AUTS2: variants seen among roughly 807,000 people sequenced by gnomAD.
The protein encoded by AUTS2 is activator of transcription and developmental regulator AUTS2.
AUTS2 carries 17 observed loss-of-function variants against 112.4 expected under a neutral mutation model. That is an observed-to-expected ratio of 0.15 (90% CI 0.10 to 0.23). AUTS2 has a LOEUF of 0.23. AUTS2 is among the 10% of genes least tolerant of loss of function. The pLI is 1.00. For synonymous variants in AUTS2, 751 were observed against 702.7 expected (o/e 1.07, Z -1.09); for missense variants, 1,510 against 1,701.6 (o/e 0.89, Z 1.98).
At chr7:70,204,127 G>C (rs147379545) in intron 4 of AUTS2, among the ~76,000 whole-genome samples, 1 of 152,000 alleles carries the variant, frequency 6.6e-6, no homozygotes, top group South Asian at 2.1e-4. Context: ...ATGTAAGATA[G>C]TGGTACCCAG....
intron 5 of AUTS2, among the ~76,000 whole-genome samples, chr7:70,443,029 C>T (rs1173173493): frequency 6.6e-6 from 1 of 152,104 alleles, no homozygotes; most frequent in Non-Finnish European, 1.5e-5. Flanking sequence ...CATATGATAA[C>T]ATTTTCAGGC....
intron 5 of AUTS2, among the ~76,000 whole-genome samples, chr7:70,484,043 A>T (rs1797890726): frequency 6.6e-6 from 1 of 152,210 alleles, no homozygotes; most frequent in Admixed American, 6.5e-5. Flanking sequence ...TGCTTGAATT[A>T]TTATGGAAGT....
chr7:69,601,804 T>C (rs985723339), intron 1 of AUTS2, among the ~76,000 whole-genome samples: 1 of 152,114 alleles, frequency 6.6e-6, no homozygotes, highest in Admixed American at 6.5e-5. Flanking sequence ...TCTCTTGTTT[T>C]AAAATAGGAG....
chr7:70,475,311 C>A (rs1054847888), intron 5 of AUTS2, among the ~76,000 whole-genome samples: 2 of 152,210 alleles, frequency 1.3e-5, no homozygotes, highest in African/African-American at 4.8e-5. Context: ...CCTTCATGTT[C>A]AACTCAAGTC....
rs1000641183 is a variant in AUTS2, at chr7:70,764,965, T to C, written c.1428T>C (p.Ser476=). ...LPPPPPLTSG[S]LQVAGHPAGS... The stretch of plus-strand genomic sequence containing the variant: ...CTCCACCACCACTGACATCAGGAAG[T>C]CTGCAGGTGGCCGGACACCCGGCCG... The change falls in exon 8 of 19, where the codon AGT becomes AGC. Residue 476 remains serine (S), a synonymous_variant. Coordinates refer to ENST00000342771, the MANE Select transcript of AUTS2 (RefSeq NM_015570.4). The C allele has an allele frequency of 6.2e-7, 1 of 1,612,162 alleles. No homozygotes were observed. Among genetic ancestry groups the C allele is most frequent in the African/African-American group, 1.3e-5 (1 of 74,166 alleles).
At chr7:70,662,100 C>T (rs753804518) in intron 5 of AUTS2, among the ~76,000 whole-genome samples, 1 of 152,160 alleles carries the variant, frequency 6.6e-6, no homozygotes, top group African/African-American at 2.4e-5. Flanking sequence ...GTCGGCCCTT[C>T]CCACAGGCCC....
At chr7:69,822,391 G>A (rs1245084929) in intron 1 of AUTS2, among the ~76,000 whole-genome samples, 1 of 152,184 alleles carries the variant, frequency 6.6e-6, no homozygotes, top group Non-Finnish European at 1.5e-5. Flanking sequence ...GTAGGTCAAG[G>A]TGGGAGGACT....
At chr7:70,501,635 C>T (rs1008462481) in intron 5 of AUTS2, among the ~76,000 whole-genome samples, 3 of 152,000 alleles carry the variant, frequency 2.0e-5, no homozygotes, top group Non-Finnish European at 2.9e-5. Flanking sequence ...TGTTGCCTCC[C>T]GGAACCCTCA....
chr7:69,604,019 C>T (rs954894060), intron 1 of AUTS2, among the ~76,000 whole-genome samples: 6 of 152,136 alleles, frequency 3.9e-5, no homozygotes, highest in African/African-American at 1.4e-4. Flanking sequence ...GGGCAGCCTC[C>T]TTTTGTACAG....
chr7:70,326,493 C>T (rs1244372490), intron 4 of AUTS2, among the ~76,000 whole-genome samples: 1 of 152,224 alleles, frequency 6.6e-6, no homozygotes, highest in African/African-American at 2.4e-5. Context: ...TCCCAGTGAC[C>T]TCTGACTCAC....
intron 1 of AUTS2, among the ~76,000 whole-genome samples, chr7:69,688,940 A>C (rs549728215): frequency 1.3e-5 from 2 of 152,360 alleles, no homozygotes; most frequent in South Asian, 4.1e-4. Flanking sequence ...TTAGGAGTTT[A>C]AAGGATTGAG....
intron 1 of AUTS2, among the ~76,000 whole-genome samples, chr7:69,850,941 G>A (rs973031537): frequency 2.0e-5 from 3 of 152,194 alleles, no homozygotes; most frequent in Non-Finnish European, 4.4e-5. Context: ...AGGTCCTGAA[G>A]ATTGGCTCCT....
intron 6 of AUTS2, among the ~76,000 whole-genome samples, chr7:70,751,170 G>C (rs1056042569): frequency 1.3e-5 from 2 of 152,190 alleles, no homozygotes; most frequent in African/African-American, 4.8e-5. Context: ...GGTGACCAGG[G>C]CTGGATTAGC....
intron 5 of AUTS2, among the ~76,000 whole-genome samples, chr7:70,444,108 GT>G (rs1796222789): frequency 6.6e-6 from 1 of 152,102 alleles, no homozygotes; most frequent in South Asian, 2.1e-4. Flanking sequence ...GCTGGGGGAG[GT>G]GATGGCTATC....
chr7:70,297,522 C>T (rs775336584), intron 4 of AUTS2, among the ~76,000 whole-genome samples: 13 of 151,654 alleles, frequency 8.6e-5, no homozygotes, highest in South Asian at 2.1e-4. Context: ...CTCTGCCTCC[C>T]GGGTTCACGC....
At chr7:69,783,088 C>CTT (rs398047755) in intron 1 of AUTS2, among the ~76,000 whole-genome samples, 344 of 84,984 alleles carry the variant, frequency 4.0e-3, no homozygotes, top group East Asian at 6.4e-3. Context: ...TGCTGCTCAT[C>CTT]TTTTTTTTTT....
chr7:69,947,629 T>C (rs1416821980), intron 2 of AUTS2, among the ~76,000 whole-genome samples: 2 of 152,230 alleles, frequency 1.3e-5, no homozygotes, highest in African/African-American at 4.8e-5. Flanking sequence ...TTTTTTATTA[T>C]CCAAGTTTCT....
intron 6 of AUTS2, among the ~76,000 whole-genome samples, chr7:70,731,018 T>G (rs55954837): frequency 0.058 from 8,822 of 152,330 alleles, 325 homozygotes; most frequent in Non-Finnish European, 0.089. Flanking sequence ...TCTTTTCATG[T>G]GCTTATGGCC....
intron 1 of AUTS2, among the ~76,000 whole-genome samples, chr7:69,766,104 A>G (rs139417352): frequency 6.6e-6 from 1 of 152,248 alleles, no homozygotes; most frequent in East Asian, 1.9e-4. Context: ...ACAACCGCCC[A>G]TTCTCTGTTC....
Sources: gnomAD v4.1 joint callset for allele counts (sites outside exome capture counted in the v4.1 genomes callset) on GRCh38, gnomAD v4.1.1 for gene constraint, MANE v1.5 for transcripts, NCBI Gene and HGNC (gene_info 2026-07-23, HGNC 2026-07-21) for gene names.